The following RBFOX2 variants were observed in gnomAD, a reference collection of about 807,000 sequenced individuals.
The protein encoded by RBFOX2 is RNA binding protein fox-1 homolog 2.
In RBFOX2, 10 loss-of-function variants were observed where a neutral mutation model predicts 49.1. The observed-to-expected ratio is 0.20, with a 90% CI of 0.13 to 0.35. The LOEUF is 0.35. Ranked by LOEUF, RBFOX2 falls within the 10% of genes least tolerant of loss-of-function variation. The pLI, the probability that RBFOX2 is intolerant of heterozygous loss-of-function variation, is 1.00. For missense variants in RBFOX2, 323 were observed against 486.9 expected (o/e 0.66, Z 3.17); for synonymous variants, 183 against 187.4 (o/e 0.98, Z 0.19).
At chr22:35,966,609 T>C (rs542918043), upstream of RBFOX2, among the ~76,000 whole-genome samples, 13 of 152,280 alleles carry the variant, frequency 8.5e-5, no homozygotes, top group South Asian at 2.3e-3. Flanking sequence ...TTTGGAACAT[T>C]TGGAGATCAT....
intron 1 of RBFOX2, among the ~76,000 whole-genome samples, chr22:35,849,835 G>T (rs2041701902): frequency 6.6e-6 from 1 of 152,248 alleles, no homozygotes; most frequent in South Asian, 2.1e-4. Flanking sequence ...ATACACAGAA[G>T]AGATGTTCAG....
chr22:35,849,730 C>T (rs1040890799), intron 1 of RBFOX2, among the ~76,000 whole-genome samples: 3 of 152,316 alleles, frequency 2.0e-5, no homozygotes, highest in African/African-American at 7.2e-5. Context: ...AAAAATCCTT[C>T]GCTGACCTCC....
chr22:35,819,224 TA>T (rs995013125), intron 1 of RBFOX2, among the ~76,000 whole-genome samples: 1 of 151,818 alleles, frequency 6.6e-6, no homozygotes, highest in Non-Finnish European at 1.5e-5. Flanking sequence ...TATAAGTCTA[TA>T]AAAAAAAGAT....
chr22:35,743,863 CCTT>C (rs1428027397), exon 12 of RBFOX2: 2 of 231,748 alleles, frequency 8.6e-6, no homozygotes, highest in Non-Finnish European at 1.6e-5. Flanking sequence ...TCTCCTTCCT[CCTT>C]GACTGCCTCT....
intron 1 of RBFOX2, among the ~76,000 whole-genome samples, chr22:35,957,669 G>C (rs965825719): frequency 3.9e-5 from 6 of 152,162 alleles, no homozygotes; most frequent in Admixed American, 3.9e-4. Flanking sequence ...AGTTTCAAGT[G>C]ACATGTCCAA....
intron 4 of RBFOX2, among the ~76,000 whole-genome samples, chr22:35,775,616 G>A (rs1943682393): frequency 6.6e-6 from 1 of 152,100 alleles, no homozygotes; most frequent in Non-Finnish European, 1.5e-5. Context: ...AAGGCAGGCA[G>A]ATCACTTGAG....
intron 1 of RBFOX2, among the ~76,000 whole-genome samples, chr22:35,847,128 T>C (rs954479670): frequency 2.6e-5 from 4 of 152,126 alleles, no homozygotes; most frequent in African/African-American, 9.7e-5. Flanking sequence ...GTCCCTTAAA[T>C]CACAAGCAAG....
chr22:35,837,105 T>C (rs1189817062), intron 1 of RBFOX2, among the ~76,000 whole-genome samples: 1 of 152,236 alleles, frequency 6.6e-6, no homozygotes, highest in East Asian at 1.9e-4. Context: ...AGCAGAGCAC[T>C]GATTACTTAC....
intron 2 of RBFOX2, among the ~76,000 whole-genome samples, chr22:35,795,628 C>CAAAAAAA (rs139555281): frequency 6.0e-5 from 2 of 33,568 alleles, no homozygotes; most frequent in African/African-American, 1.1e-4. Flanking sequence ...TGTAGAAAAG[C>CAAAAAAA]AAAAAAAAAA....
chr22:35,778,399 A>C (rs1393615032), intron 3 of RBFOX2, among the ~76,000 whole-genome samples: 1 of 152,228 alleles, frequency 6.6e-6, no homozygotes, highest in Non-Finnish European at 1.5e-5. Flanking sequence ...AGATTTAAAA[A>C]GCAAATCCTA....
At chr22:36,014,827 G>C (rs2058972010) in intron 1 of RBFOX2, among the ~76,000 whole-genome samples, 1 of 152,144 alleles carries the variant, frequency 6.6e-6, no homozygotes, top group South Asian at 2.1e-4. Context: ...AAAATCACTA[G>C]AAGTCCCTGA....
rs1187202203 is a variant in RBFOX2, at chr22:35,945,485, G to A, written c.43-6588C>T. Among the ~76,000 whole-genome samples, 4 of 152,100 alleles carry A rather than the reference G, an allele frequency of 2.6e-5. 1 individual carries two copies. The highest frequency in any genetic ancestry group is 2.6e-4 in the Admixed American group (4 of 15,274). On this transcript the variant is annotated intron_variant, in intron 1 of 5. Transcript: ENST00000408983. ...GGGTCTCACACTGTCGCCCAGGCTG[G>A]ACTGGAGTGCAGTGGCATGAACATG...
At chr22:35,800,588 T>C (rs923946340) in intron 2 of RBFOX2, among the ~76,000 whole-genome samples, 1 of 152,186 alleles carries the variant, frequency 6.6e-6, no homozygotes, top group African/African-American at 2.4e-5. Flanking sequence ...CTACCATCTA[T>C]GCTTACTCGA....
chr22:35,782,842 G>GGGTAT (rs1234322020), intron 2 of RBFOX2, among the ~76,000 whole-genome samples: 1 of 152,098 alleles, frequency 6.6e-6, no homozygotes, highest in Non-Finnish European at 1.5e-5. Flanking sequence ...AAATGAGTGT[G>GGGTAT]GGTATGCATT....
intron 1 of RBFOX2, among the ~76,000 whole-genome samples, chr22:35,975,086 G>A (rs2150030165): frequency 6.6e-6 from 1 of 152,216 alleles, no homozygotes; most frequent in East Asian, 1.9e-4. Flanking sequence ...TGAATTATTA[G>A]AAAAACGAAA....
chr22:36,002,323 CAA>C (rs2058459315), intron 1 of RBFOX2, among the ~76,000 whole-genome samples: 1 of 151,924 alleles, frequency 6.6e-6, no homozygotes, highest in Non-Finnish European at 1.5e-5. Context: ...TTTCAAATAG[CAA>C]AAGACTGGAA....
intron 2 of RBFOX2, among the ~76,000 whole-genome samples, chr22:35,788,577 G>T (rs1392040829): frequency 6.6e-6 from 1 of 152,038 alleles, no homozygotes; most frequent in African/African-American, 2.4e-5. Flanking sequence ...AGAATTATAG[G>T]TTGGAAAAAA....
At chr22:36,025,648 T>TA (rs929279738) in intron 1 of RBFOX2, among the ~76,000 whole-genome samples, 134 of 152,182 alleles carry the variant, frequency 8.8e-4, no homozygotes, top group African/African-American at 3.1e-3. Context: ...CACGCTTCTT[T>TA]AAAAAAAACT....
At chr22:35,941,784 A>G (rs564900140), upstream of RBFOX2, among the ~76,000 whole-genome samples, 9 of 152,326 alleles carry the variant, frequency 5.9e-5, no homozygotes, top group South Asian at 1.2e-3. Flanking sequence ...AAAAACTTCA[A>G]TAGAAAAGTT....
Sources: gnomAD v4.1 joint callset for allele counts (sites outside exome capture counted in the v4.1 genomes callset) on GRCh38, gnomAD v4.1.1 for gene constraint, MANE v1.5 for transcripts, NCBI Gene and HGNC (gene_info 2026-07-23, HGNC 2026-07-21) for gene names.